SERPINC1: variants seen among roughly 807,000 people sequenced by gnomAD.
SERPINC1 encodes antithrombin-III.
In SERPINC1, 12 loss-of-function variants were observed where a neutral mutation model predicts 43.4. The ratio of observed to expected loss-of-function variants is 0.28; its 90% CI spans 0.18 to 0.45. The LOEUF is 0.45. Among genes scored for constraint, SERPINC1 ranks in the 20% least tolerant of loss-of-function variants. The probability of loss-of-function intolerance (pLI) is 1.00; values close to 1 mark genes in which losing one functional copy is unlikely to be tolerated. For synonymous variants in SERPINC1, 210 were observed against 218.9 expected, an observed-to-expected ratio of 0.96 and a Z score of 0.36; for missense variants, 423 against 578.8, an observed-to-expected ratio of 0.73 and a Z score of 2.76.
intron 4 of SERPINC1, among the ~76,000 whole-genome samples, chr1:173,910,530 G>A (rs1040236244): frequency 3.9e-5 from 6 of 152,108 alleles, no homozygotes; most frequent in South Asian, 2.1e-4. Flanking sequence ...GCAGTGAGCC[G>A]AGATCACGCC....
At chr1:173,915,063 G>T in intron 1 of SERPINC1, 144 bp from the exon 2 acceptor site, 1 of 1,521,178 alleles carries the variant, frequency 6.6e-7, no homozygotes, top group Middle Eastern at 2.3e-4. Flanking sequence ...CCAAGTACAG[G>T]GGCCCGGGAC....
At chr1:173,909,355 G>A (rs921788493) in intron 5 of SERPINC1, among the ~76,000 whole-genome samples, 197 bp downstream of exon 5, 1 of 152,160 alleles carries the variant, frequency 6.6e-6, no homozygotes, top group Admixed American at 6.5e-5. Context: ...GGAGATCCAA[G>A]AACAAACTTC....
At chr1:173,907,117 CA>C (rs112071190) in intron 6 of SERPINC1, among the ~76,000 whole-genome samples, 11,311 of 137,952 alleles carry the variant, frequency 0.082, 1,355 homozygotes, top group African/African-American at 0.27. Flanking sequence ...AGCTCTGTCT[CA>C]AAAAAAAAAA....
chr1:173,913,865 A>AG (rs1249058417), intron 2 of SERPINC1, among the ~76,000 whole-genome samples: 2 of 151,966 alleles, frequency 1.3e-5, no homozygotes, highest in East Asian at 3.9e-4. Context: ...AAAAAAAAAA[A>AG]AAAAAAAGTT....
At position 173,912,031 on chromosome 1, in the gene SERPINC1, A is replaced by G. The variant is rs1290736210; in HGVS notation, c.409-17T>C. 1.2e-6 allele frequency: 2 copies of G among 1,601,474 alleles called. No individual in the cohort carries two copies. The highest frequency in any genetic ancestry group is 2.2e-5 in the South Asian group (2 of 90,828). ...CTTAAATACCTATAGAAGTCAAAAA[A>G]AAATGGTGGTGGGTTTGGTGGGCTG... On this transcript the variant is annotated splice_polypyrimidine_tract_variant and intron_variant, in intron 2 of 6. Transcript: ENST00000367698.
chr1:173,909,441 G>T, intron 5 of SERPINC1, 111 bp downstream of exon 5: 2 of 1,078,512 alleles, frequency 1.9e-6, no homozygotes, highest in Non-Finnish European at 2.8e-6. Flanking sequence ...ACTAGGATCA[G>T]TATCCAGGAG....
intron 6 of SERPINC1, among the ~76,000 whole-genome samples, chr1:173,906,377 C>CTT (rs1463286250): frequency 1.3e-5 from 2 of 152,236 alleles, no homozygotes; most frequent in African/African-American, 4.8e-5. Flanking sequence ...CAACCGTCTT[C>CTT]TTTACTGTGG....
chr1:173,913,938 C>T (rs886152584), intron 2 of SERPINC1, among the ~76,000 whole-genome samples: 2 of 151,592 alleles, frequency 1.3e-5, no homozygotes, highest in African/African-American at 2.4e-5. Flanking sequence ...ATTAGCTGGG[C>T]GTGATGGCGT....
chr1:173,910,786 CAGTG>C lies in SERPINC1; in HGVS notation c.726_729del (p.Thr243PhefsTer40). The C allele has an allele frequency of 6.2e-7, 1 of 1,614,130 alleles. No homozygotes were observed. The highest frequency in any genetic ancestry group is 8.5e-7 in the Non-Finnish European group (1 of 1,180,006). On this transcript the variant is annotated frameshift_variant, in exon 4 of 7. Transcript: ENST00000367698. LOFTEE classifies it high-confidence loss of function. ...TAAATGGTGTTAACCAGCACCAGAA[CAGTG>C]AGCTCATTGATGGCTTCCGAGGGAA... is the stretch of plus-strand genomic sequence containing the variant.
chr1:173,917,111 A>G, intron 1 of SERPINC1, 108 bp downstream of exon 1: 2 of 929,974 alleles, frequency 2.2e-6, no homozygotes, highest in Non-Finnish European at 3.5e-6. Flanking sequence ...TGTAACTACC[A>G]GGGAGAGGGC....
Position 173,910,780 on chromosome 1 carries a change from C to T in SERPINC1, c.736G>A (p.Val246Met). Residue 246 changes from valine to methionine, a missense_variant, in exon 4 of 7, where the codon GTG (valine) becomes ATG (methionine). Coordinates refer to ENST00000367698, the MANE Select transcript of SERPINC1 (RefSeq NM_000488.4). The part of the protein sequence containing the change: ...SEAINELTVL[V>M]LVNTIYFKGL... ...TTGAAGTAAATGGTGTTAACCAGCA[C>T]CAGAACAGTGAGCTCATTGATGGCT... 3 of 1,614,064 alleles carry T rather than the reference C, an allele frequency of 1.9e-6. No individual in the cohort carries two copies. Among genetic ancestry groups the T allele is most frequent in the Non-Finnish European group, 2.5e-6 (3 of 1,179,996 alleles).
intron 2 of SERPINC1, among the ~76,000 whole-genome samples, chr1:173,913,573 G>A (rs1657863056): frequency 6.6e-6 from 1 of 152,158 alleles, no homozygotes; most frequent in African/African-American, 2.4e-5. Context: ...TCAAGAGTTT[G>A]AGGCCAGGCG....
At position 173,914,687 on chromosome 1, in the gene SERPINC1, T is replaced by A. The variant is rs1253973125; in HGVS notation, c.274A>T (p.Thr92Ser). The change falls in exon 2 of 7, where the codon ACC becomes TCC. Residue 92 changes from threonine (T) to serine (S), a missense_variant. Thr to Ser is a moderately conservative substitution (Grantham distance 58). Transcript: ENST00000367698. ...ELSKANSRFA[T>S]TFYQHLADSK... ...TCTGCCAGGTGCTGATAGAAAGTGG[T>A]AGCAAAGCGGGAATTGGCCTTGGAC... 3.1e-6 allele frequency: 5 copies of A among 1,614,224 alleles called. No individual in the cohort carries two copies.
At chr1:173,905,210 T>C (rs1657443085) in intron 6 of SERPINC1, among the ~76,000 whole-genome samples, 1 of 152,220 alleles carries the variant, frequency 6.6e-6, no homozygotes, top group Admixed American at 6.5e-5. Flanking sequence ...CAAAAATCCA[T>C]GTGAAAGAGG....
In SERPINC1 at chr1:173,914,791, G is replaced by T; in HGVS notation, c.170C>A (p.Ser57Tyr). The T allele has an allele frequency of 6.2e-7, 1 of 1,614,092 alleles. No homozygotes were observed. The highest frequency in any genetic ancestry group is 8.5e-7 in the Non-Finnish European group (1 of 1,179,942). Residue 57 changes from serine (S) to tyrosine (Y), a missense_variant, in exon 2 of 7, where the codon TCC (serine) becomes TAC (tyrosine). Transcript: ENST00000367698. The part of the protein sequence containing the change: ...IPMNPMCIYR[S>Y]PEKKATEDEG... ...ATCCTCAGTTGCCTTCTTCTCCGGG[G>T]AGCGGTAAATGCACATGGGATTCAT...
chr1:173,907,310 G>A (rs755605848), intron 6 of SERPINC1, 140 bp downstream of exon 6: 51 of 737,808 alleles, frequency 6.9e-5, no homozygotes, highest in Non-Finnish European at 1.2e-4. Context: ...CACCATGAAG[G>A]TTTTGGAGAG....
At chr1:173,910,054 AC>A in intron 4 of SERPINC1, 112 bp from the exon 5 acceptor site, 2 of 1,092,970 alleles carry the variant, frequency 1.8e-6, no homozygotes, top group South Asian at 2.7e-5. Flanking sequence ...CGGAAAAAAG[AC>A]TGGCGGGATA....
intron 1 of SERPINC1, 151 bp from the exon 2 acceptor site, chr1:173,915,070 G>A: frequency 6.6e-7 from 1 of 1,513,548 alleles, no homozygotes; most frequent in Admixed American, 2.0e-5. Context: ...CAGGGGCCCG[G>A]GACAGGTTCA....
chr1:173,910,887 T>G lies in SERPINC1; in HGVS notation c.629A>C (p.Asn210Thr). ...GATGGCCGCTCTGGATTGCTCTGCA[T>G]TTTCCTGAGGAGAACAGAAAATAAA... ...AKLQPLDFKE[N>T]AEQSRAAINK... Residue 210 changes from asparagine to threonine, a missense_variant, in exon 4 of 7, where the codon AAT becomes ACT. Transcript: ENST00000367698. The G allele has an allele frequency of 6.2e-7, 1 of 1,614,126 alleles. No homozygotes were observed. Among genetic ancestry groups the G allele is most frequent in the Non-Finnish European group, 8.5e-7 (1 of 1,179,994 alleles).
Sources: gnomAD v4.1 joint callset for allele counts (sites outside exome capture counted in the v4.1 genomes callset) on GRCh38, gnomAD v4.1.1 for gene constraint, MANE v1.5 for transcripts, NCBI Gene and HGNC (gene_info 2026-07-23, HGNC 2026-07-21) for gene names.